ERC1: variants seen among roughly 807,000 people sequenced by gnomAD.
ERC1 encodes ELKS/RAB6-interacting/CAST family member 1.
ERC1 carries 56 observed loss-of-function variants against 132.0 expected under a neutral mutation model. The observed-to-expected ratio is 0.42, with a 90% CI of 0.34 to 0.53. ERC1 has a LOEUF of 0.53. Ranked by LOEUF, ERC1 falls within the 20% of genes least tolerant of loss-of-function variation. The probability of loss-of-function intolerance (pLI) is 0.03; values close to 1 mark genes in which losing one functional copy is unlikely to be tolerated. For missense variants in ERC1, 1,202 were observed against 1,349.9 expected (o/e 0.89, Z 1.72); for synonymous variants, 478 against 476.1 (o/e 1.00, Z -0.05).
intron 15 of ERC1, among the ~76,000 whole-genome samples, chr12:1,327,923 A>C (rs1210364350): frequency 6.6e-6 from 1 of 152,154 alleles, no homozygotes; most frequent in Admixed American, 6.6e-5. Flanking sequence ...CCAGAAACTA[A>C]TTAAATTGTT....
chr12:1,284,840 A>C (rs2078938932), intron 14 of ERC1, among the ~76,000 whole-genome samples: 1 of 152,050 alleles, frequency 6.6e-6, no homozygotes, highest in Non-Finnish European at 1.5e-5. Flanking sequence ...TGTAGAGATG[A>C]AGTCTCACTC....
At chr12:1,466,479 A>G (rs1311745974) in intron 18 of ERC1, among the ~76,000 whole-genome samples, 1 of 152,184 alleles carries the variant, frequency 6.6e-6, no homozygotes, top group Non-Finnish European at 1.5e-5. Context: ...GACACAGCTC[A>G]GCCCACCACA....
intron 15 of ERC1, among the ~76,000 whole-genome samples, chr12:1,366,884 T>G (rs909659945): frequency 3.3e-5 from 5 of 152,198 alleles, no homozygotes; most frequent in East Asian, 3.8e-4. Context: ...ATTAAAGAGA[T>G]ATTTCTGGGT....
At chr12:1,067,923 C>G (rs1939525676) in intron 2 of ERC1, among the ~76,000 whole-genome samples, 1 of 127,446 alleles carries the variant, frequency 7.8e-6, no homozygotes, top group Non-Finnish European at 1.6e-5. Context: ...ATTTTAGCCA[C>G]TGCTTTTTTT....
intron 18 of ERC1, among the ~76,000 whole-genome samples, chr12:1,481,344 C>G (rs1179479886): frequency 6.6e-6 from 1 of 152,252 alleles, no homozygotes; most frequent in African/African-American, 2.4e-5. Context: ...CATCGCCTCT[C>G]TTTCCTAAGC....
intron 2 of ERC1, among the ~76,000 whole-genome samples, chr12:1,042,239 G>C (rs1401416779): frequency 6.6e-6 from 1 of 151,394 alleles, no homozygotes; most frequent in Non-Finnish European, 1.5e-5. Context: ...GGGTTTCACC[G>C]TGTTAGCTAG....
chr12:1,276,740 G>A (rs1011924093), intron 14 of ERC1, among the ~76,000 whole-genome samples: 4 of 152,118 alleles, frequency 2.6e-5, no homozygotes, highest in Admixed American at 2.6e-4. Context: ...GTACACAATG[G>A]CATTCAATGA....
intron 2 of ERC1, among the ~76,000 whole-genome samples, chr12:1,043,961 C>T (rs1248692035): frequency 6.6e-6 from 1 of 152,034 alleles, no homozygotes; most frequent in Non-Finnish European, 1.5e-5. Flanking sequence ...TTCATTTTTC[C>T]TTCATACAGC....
intron 8 of ERC1, among the ~76,000 whole-genome samples, chr12:1,142,618 T>G (rs986200967): frequency 6.6e-6 from 1 of 152,208 alleles, no homozygotes; most frequent in African/African-American, 2.4e-5. Context: ...AGTGTTATAT[T>G]CCCACATACT....
At chr12:1,419,708 A>C (rs534330203) in intron 17 of ERC1, among the ~76,000 whole-genome samples, 3 of 152,052 alleles carry the variant, frequency 2.0e-5, no homozygotes, top group East Asian at 3.9e-4. Flanking sequence ...GCAAGATGAA[A>C]AAGTTCTGGA....
At chr12:1,385,294 T>C (rs1241516907) in intron 16 of ERC1, among the ~76,000 whole-genome samples, 2 of 152,174 alleles carry the variant, frequency 1.3e-5, no homozygotes, top group East Asian at 3.8e-4. Flanking sequence ...TTTTTTTTTC[T>C]TTTTTTGAGA....
At chr12:1,340,821 A>G (rs2083765865) in intron 15 of ERC1, among the ~76,000 whole-genome samples, 1 of 151,832 alleles carries the variant, frequency 6.6e-6, no homozygotes, top group African/African-American at 2.4e-5. Flanking sequence ...GCTCGTTTCC[A>G]ATTCCTGGGC....
intron 11 of ERC1, among the ~76,000 whole-genome samples, chr12:1,188,017 A>G (rs889583977): frequency 2.6e-5 from 4 of 152,204 alleles, no homozygotes; most frequent in African/African-American, 4.8e-5. Flanking sequence ...GAAGGCCCAG[A>G]ATGCTGATAT....
rs1379148564 is a variant in ERC1 at position 1,428,189 on chromosome 12, A to G, written c.3025-16373A>G. Among the ~76,000 whole-genome samples the G allele has an allele frequency of 2.6e-5, 4 of 152,302 alleles. No individual in the cohort carries two copies. The South Asian group carries it at 8.3e-4, about 32-fold the overall frequency. ...TGTGATTTAGACATTCTTCCTGGAC[A>G]ACAAAGTATCTTTGTACTTTGTACA... On this transcript the variant is annotated intron_variant, in intron 17 of 18. Coordinates refer to ENST00000360905, the MANE Select transcript of ERC1 (RefSeq NM_178040.4).
At position 1,206,250 on chromosome 12, in the gene ERC1, AG is replaced by A. The variant is rs545788465; in HGVS notation, c.2351+16199del. On this transcript the variant is annotated intron_variant, in intron 12 of 18. Coordinates refer to ENST00000360905, the MANE Select transcript of ERC1 (RefSeq NM_178040.4). Reference sequence around the variant, plus strand: ...TACCATTTTAATTGTGGTTTTGCCAAGTCCAGTTGAATAGGTCATAAAGAGA... The same window carrying A: ...TACCATTTTAATTGTGGTTTTGCCAATCCAGTTGAATAGGTCATAAAGAGA... Among the ~76,000 whole-genome samples the A allele has an allele frequency of 9.7e-3, 1,476 of 152,148 alleles. 9 individuals carry two copies. Among genetic ancestry groups the A allele is most frequent in the Non-Finnish European group, 0.017 (1,131 of 67,922 alleles).
At chr12:1,146,093 T>C (rs1950317626) in intron 8 of ERC1, among the ~76,000 whole-genome samples, 1 of 152,168 alleles carries the variant, frequency 6.6e-6, no homozygotes, top group Admixed American at 6.5e-5. Context: ...GATTGTTTTT[T>C]CTAGTTCTGT....
chr12:1,109,378 G>A (rs751984082), intron 4 of ERC1, among the ~76,000 whole-genome samples: 2 of 152,078 alleles, frequency 1.3e-5, no homozygotes, highest in Non-Finnish European at 2.9e-5. Flanking sequence ...TTCTGCAGTG[G>A]GATGTTATGT....
chr12:1,493,638 A>G lies in ERC1; in HGVS notation c.*3408A>G, dbSNP rs1159989152. 8.4e-6 allele frequency: 1 copy of G among 119,080 alleles called. No homozygotes were observed. Among genetic ancestry groups the G allele is most frequent in the African/African-American group, 3.2e-5 (1 of 31,670 alleles). 7.4% of individuals were successfully genotyped at this position (119,080 alleles called of 1,614,324 possible). ...CTTTTAACCTTTGTCCTTGCACTTT[A>G]CAATCTAAAGATCTACCTGTGGCTC... On this transcript the variant is annotated 3_prime_UTR_variant, in exon 19 of 19. Transcript: ENST00000360905.
At chr12:1,197,907 T>C (rs762837257) in intron 12 of ERC1, among the ~76,000 whole-genome samples, 1 of 143,968 alleles carries the variant, frequency 6.9e-6, no homozygotes, top group African/African-American at 2.5e-5. Context: ...GGACTATTTT[T>C]TTTGTTTTGT....
Sources: gnomAD v4.1 joint callset for allele counts (sites outside exome capture counted in the v4.1 genomes callset) on GRCh38, gnomAD v4.1.1 for gene constraint, MANE v1.5 for transcripts, NCBI Gene and HGNC (gene_info 2026-07-23, HGNC 2026-07-21) for gene names.